FAM167A: variants seen among roughly 807,000 people sequenced by gnomAD.
FAM167A encodes the protein family with sequence similarity 167 member A, also known as protein FAM167A.
A neutral mutation model predicts 14.9 loss-of-function variants in FAM167A; 23 were observed. That is an observed-to-expected ratio of 1.55 (90% CI 1.11 to 2.19). The LOEUF is 2.19. FAM167A is among the 30% of genes most tolerant of loss of function. The pLI is 0.00. For missense variants in FAM167A, 401 were observed against 281.5 expected (o/e 1.42, Z -3.04); for synonymous variants, 174 against 117.7 (o/e 1.48, Z -3.10).
chr8:11,464,917 G>T (rs185183152), intron 1 of FAM167A, among the ~76,000 whole-genome samples: 1 of 152,308 alleles, frequency 6.6e-6, no homozygotes, highest in Admixed American at 6.5e-5. Context: ...CCTCCTGGAG[G>T]GGGGCCAAGC....
At chr8:11,425,390 G>C (rs1805065175) in intron 2 of FAM167A, among the ~76,000 whole-genome samples, 1 of 152,214 alleles carries the variant, frequency 6.6e-6, no homozygotes, top group Admixed American at 6.5e-5. Flanking sequence ...AAGCCGGACA[G>C]CTGGACTCCA....
chr8:11,423,893 G>C lies in FAM167A; in HGVS notation c.*480C>G, dbSNP rs1361491598. On this transcript the variant is annotated 3_prime_UTR_variant, in exon 3 of 3. Transcript: ENST00000284486. Reference sequence around the variant, plus strand: ...TCAATGTTGCTGAGTCATGTACTTAGGGTGAATTTGAGACAATACTTAGAG... The same window carrying C: ...TCAATGTTGCTGAGTCATGTACTTACGGTGAATTTGAGACAATACTTAGAG... 5.9e-6 allele frequency: 1 copy of C among 170,234 alleles called. No individual in the cohort carries two copies. The highest frequency in any genetic ancestry group is 1.5e-4 in the South Asian group (1 of 6,582). The allele number at this position is 170,234 out of a possible 1,614,324, so 10.5% of individuals were successfully genotyped here.
intron 2 of FAM167A, among the ~76,000 whole-genome samples, chr8:11,430,806 A>G (rs538084634): frequency 7.2e-5 from 11 of 152,318 alleles, no homozygotes; most frequent in African/African-American, 2.6e-4. Context: ...AGAAGGACCC[A>G]GAGAGGAAAA....
intron 2 of FAM167A, chr8:11,438,432 C>G (rs1366724302): frequency 6.6e-6 from 3 of 455,420 alleles, no homozygotes; most frequent in East Asian, 1.4e-4. Context: ...TTATTTTATT[C>G]TAGGAGATTC....
At chr8:11,452,986 C>A (rs1226910098) in intron 1 of FAM167A, among the ~76,000 whole-genome samples, 1 of 152,106 alleles carries the variant, frequency 6.6e-6, no homozygotes, top group Non-Finnish European at 1.5e-5. Context: ...GGGTGATCTC[C>A]CCCCTCTGTC....
intron 1 of FAM167A, among the ~76,000 whole-genome samples, chr8:11,451,425 G>A (rs1017007599): frequency 1.3e-5 from 2 of 152,242 alleles, no homozygotes; most frequent in African/African-American, 4.8e-5. Flanking sequence ...GTAAGTGACT[G>A]ACACAGCACG....
chr8:11,421,833 G>A lies in FAM167A; in HGVS notation c.*2540C>T, dbSNP rs1422499861. The stretch of plus-strand genomic sequence containing the variant: ...GCACTGTACACATGTGGTGAGCCAG[G>A]AGGCTGGGACGGAGGTTAGGCCAAT... On this transcript the variant is annotated 3_prime_UTR_variant, in exon 3 of 3. Transcript: ENST00000284486. 12 of 398,654 alleles carry A rather than the reference G, an allele frequency of 3.0e-5. No individual in the cohort carries two copies. Among genetic ancestry groups the A allele is most frequent in the East Asian group, 2.5e-4 (7 of 28,104 alleles). The allele number at this position is 398,654 out of a possible 1,614,324, so 24.7% of individuals were successfully genotyped here.
chr8:11,447,183 C>CTT (rs1554528477), intron 1 of FAM167A, among the ~76,000 whole-genome samples: 6 of 147,094 alleles, frequency 4.1e-5, no homozygotes, highest in African/African-American at 1.5e-4. Flanking sequence ...GGTTTCTTTT[C>CTT]TTTTTCTTTT....
chr8:11,431,409 T>C (rs1267743553), intron 2 of FAM167A, among the ~76,000 whole-genome samples: 1 of 152,126 alleles, frequency 6.6e-6, no homozygotes, highest in Non-Finnish European at 1.5e-5. Context: ...GGAGTTAGCG[T>C]TTAGTGAGCA....
At chr8:11,475,553 C>A (rs1294089568) in intron 1 of FAM167A, among the ~76,000 whole-genome samples, 3 of 152,004 alleles carry the variant, frequency 2.0e-5, no homozygotes, top group Admixed American at 6.6e-5. Flanking sequence ...TGAGATCCAA[C>A]CTTTTACACA....
intron 2 of FAM167A, among the ~76,000 whole-genome samples, chr8:11,441,038 C>T (rs372985260): frequency 2.2e-4 from 34 of 152,212 alleles, no homozygotes; most frequent in South Asian, 4.1e-4. Flanking sequence ...ATCCCAGCAG[C>T]AGGCGGAACT....
rs112318703 is a variant in FAM167A, at chr8:11,428,460, G to A, written c.382-3824C>T. ...TGCACATGCATTCAATTCTGCGTAA[G>A]GGTGAAAAGAGAAAGAAAGCTGCAG... is the stretch of plus-strand genomic sequence containing the variant. On this transcript the variant is annotated intron_variant, in intron 2 of 2. Transcript: ENST00000284486. 2.2e-3 allele frequency among the ~76,000 whole-genome samples: 340 copies of A among 152,362 alleles called. 1 individual carries two copies. Among genetic ancestry groups the A allele is most frequent in the Admixed American group, 6.3e-3 (97 of 15,308 alleles).
chr8:11,450,571 C>G (rs1053205507), intron 1 of FAM167A, among the ~76,000 whole-genome samples: 2 of 152,204 alleles, frequency 1.3e-5, no homozygotes, highest in African/African-American at 2.4e-5. Flanking sequence ...AGCCACAGCA[C>G]TTACACCCAG....
upstream of FAM167A, among the ~76,000 whole-genome samples, chr8:11,467,926 A>G (rs933498272): frequency 6.6e-6 from 1 of 152,228 alleles, no homozygotes; most frequent in African/African-American, 2.4e-5. Context: ...GGGTGTATTA[A>G]CAAGCATCTT....
intron 2 of FAM167A, among the ~76,000 whole-genome samples, chr8:11,433,161 A>C (rs923346188): frequency 1.3e-5 from 2 of 152,136 alleles, no homozygotes; most frequent in Non-Finnish European, 2.9e-5. Flanking sequence ...CTATGTAACA[A>C]ATCTGCACAT....
intron 2 of FAM167A, among the ~76,000 whole-genome samples, chr8:11,427,736 G>C (rs1455667744): frequency 6.6e-6 from 1 of 152,192 alleles, no homozygotes; most frequent in Non-Finnish European, 1.5e-5. Context: ...AAGATAGAAA[G>C]TCTTGCTTGG....
chr8:11,454,890 G>C (rs1046382716), intron 1 of FAM167A, among the ~76,000 whole-genome samples: 1 of 152,182 alleles, frequency 6.6e-6, no homozygotes, highest in African/African-American at 2.4e-5. Context: ...GCCCCACAGA[G>C]CTGCTGCCGG....
intron 2 of FAM167A, among the ~76,000 whole-genome samples, chr8:11,433,027 A>G (rs1157830460): frequency 1.3e-5 from 2 of 152,158 alleles, no homozygotes; most frequent in Non-Finnish European, 2.9e-5. Context: ...TAACACGTGG[A>G]CACAGGGAGG....
intron 2 of FAM167A, 81 bp from the exon 3 acceptor site, chr8:11,424,717 G>A: frequency 6.5e-7 from 1 of 1,543,234 alleles, no homozygotes; most frequent in Non-Finnish European, 8.7e-7. Context: ...GCAGGGCCCT[G>A]ACTAATGTCT....
Sources: gnomAD v4.1 joint callset for allele counts (sites outside exome capture counted in the v4.1 genomes callset) on GRCh38, gnomAD v4.1.1 for gene constraint, MANE v1.5 for transcripts, NCBI Gene and HGNC (gene_info 2026-07-23, HGNC 2026-07-21) for gene names.